ELP4: variants seen among roughly 807,000 people sequenced by gnomAD.
ELP4 encodes elongator complex protein 4.
Under a neutral mutation model 48.9 loss-of-function variants are expected in ELP4, and 51 were observed. The ratio of observed to expected loss-of-function variants is 1.04; its 90% CI spans 0.83 to 1.32. ELP4 has a LOEUF of 1.32. Ranked by LOEUF, ELP4 falls within the 40% of genes most tolerant of loss-of-function variation. ELP4 has a pLI of 0.00. For synonymous variants in ELP4, 210 were observed against 189.2 expected (o/e 1.11, Z -0.90); for missense variants, 519 against 514.6 (o/e 1.01, Z -0.08).
chr11:31,786,279 T>C lies in ELP4; in HGVS notation c.*2755T>C. 1 of 209,700 alleles carries C rather than the reference T, an allele frequency of 4.8e-6. No homozygotes were observed. Among genetic ancestry groups the C allele is most frequent in the East Asian group, 7.2e-5 (1 of 13,916 alleles). The allele number at this position is 209,700 out of a possible 1,614,324, so 13.0% of individuals were successfully genotyped here. On this transcript the variant is annotated 3_prime_UTR_variant, in exon 10 of 10. Transcript: ENST00000640961. Reference sequence around the variant, plus strand: ...GAGAGTGGGGGGACCCCCCTATTCATTTGTTTAAGCCCATTATTAATGTCA... The same window carrying C: ...GAGAGTGGGGGGACCCCCCTATTCACTTGTTTAAGCCCATTATTAATGTCA...
At chr11:31,635,522 GAAAC>G (rs1458873776) in intron 7 of ELP4, among the ~76,000 whole-genome samples, 1 of 151,842 alleles carries the variant, frequency 6.6e-6, no homozygotes, top group Non-Finnish European at 1.5e-5. Context: ...TCAAAATTTA[GAAAC>G]AAACTGCACA....
At chr11:31,746,786 C>T (rs893031558) in intron 9 of ELP4, among the ~76,000 whole-genome samples, 2 of 151,844 alleles carry the variant, frequency 1.3e-5, no homozygotes, top group African/African-American at 4.8e-5. Flanking sequence ...ATACCTAATG[C>T]TAAATGACGA....
intron 5 of ELP4, among the ~76,000 whole-genome samples, chr11:31,623,313 C>T (rs1166936476): frequency 7.9e-6 from 1 of 126,010 alleles, no homozygotes; most frequent in African/African-American, 3.0e-5. Context: ...TAGTAACAAA[C>T]CAAAATTTTA....
intron 9 of ELP4, among the ~76,000 whole-genome samples, chr11:31,757,557 A>T (rs1206544398): frequency 6.6e-6 from 1 of 152,142 alleles, no homozygotes; most frequent in Non-Finnish European, 1.5e-5. Context: ...GTGTTTCTTT[A>T]AGGAAATGAC....
chr11:31,736,123 CAG>C (rs1027354640), intron 9 of ELP4, among the ~76,000 whole-genome samples: 6 of 152,196 alleles, frequency 3.9e-5, no homozygotes, highest in African/African-American at 1.4e-4. Context: ...GGTACCAAAA[CAG>C]AGCTGTAGAC....
Position 31,520,015 on chromosome 11 carries a change from A to G in ELP4, c.224-41A>G, listed in dbSNP as rs752479738. The G allele has an allele frequency of 3.7e-6, 6 of 1,605,078 alleles. No individual in the cohort carries two copies. The East Asian group carries it at 1.1e-4, about 30-fold the overall frequency. On this transcript the variant is annotated intron_variant, in intron 1 of 9. Coordinates refer to ENST00000640961, the MANE Select transcript of ELP4 (RefSeq NM_019040.5). ...TAACTTTTATGCTAAAGGTAATGGAAAAGGTAAATTAATTTTCTTCTGGTT... is the reference window on the plus strand; with the variant it reads ...TAACTTTTATGCTAAAGGTAATGGAGAAGGTAAATTAATTTTCTTCTGGTT...
At chr11:31,621,795 T>C (rs921744925) in intron 5 of ELP4, among the ~76,000 whole-genome samples, 1 of 151,922 alleles carries the variant, frequency 6.6e-6, no homozygotes, top group Admixed American at 6.6e-5. Flanking sequence ...AATGGAGCCA[T>C]GTTCAGACCT....
intron 3 of ELP4, chr11:31,541,535 T>C (rs1956591056): frequency 6.6e-6 from 1 of 152,192 alleles, no homozygotes; most frequent in Non-Finnish European, 1.5e-5. Context: ...GACTAAGATT[T>C]TATATCAAAC....
intron 3 of ELP4, among the ~76,000 whole-genome samples, chr11:31,564,717 T>C (rs1257438615): frequency 6.6e-6 from 1 of 152,232 alleles, no homozygotes; most frequent in Non-Finnish European, 1.5e-5. Flanking sequence ...CTCATCCTTT[T>C]TTATGGCTGC....
intron 2 of ELP4, among the ~76,000 whole-genome samples, chr11:31,523,106 C>T (rs1452177877): frequency 6.6e-6 from 1 of 151,646 alleles, no homozygotes; most frequent in Admixed American, 6.6e-5. Context: ...CTTCAGGCCT[C>T]AAGCAGTCCT....
chr11:31,610,341 GTT>G (rs1957955106), intron 5 of ELP4, among the ~76,000 whole-genome samples: 1 of 151,822 alleles, frequency 6.6e-6, no homozygotes, highest in Admixed American at 6.6e-5. Flanking sequence ...GTTTTGTTTT[GTT>G]TTGTTTTTTA....
intron 3 of ELP4, among the ~76,000 whole-genome samples, chr11:31,541,078 A>T (rs919295419): frequency 3.3e-5 from 5 of 152,216 alleles, no homozygotes; most frequent in Admixed American, 3.3e-4. Context: ...TAATTTTAGT[A>T]CATAGTTTGC....
intron 9 of ELP4, chr11:31,719,402 G>T (rs185850786): frequency 2.2e-4 from 88 of 397,002 alleles, no homozygotes; most frequent in African/African-American, 1.7e-3. Context: ...TGTCTTAATG[G>T]CTCAGATTTG....
rs1458127743 is a variant in ELP4 at position 31,743,749 on chromosome 11, T to G, written c.1144-39644T>G. On this transcript the variant is annotated intron_variant, in intron 9 of 9. Transcript: ENST00000640961. ...AATCTCTGGGACACATTCAAAGCAG[T>G]GTGTAGAGGGAAATTTATAGCACTA... is the stretch of plus-strand genomic sequence containing the variant. 2.0e-5 allele frequency among the ~76,000 whole-genome samples: 3 copies of G among 149,436 alleles called. No individual in the cohort carries two copies. The East Asian group carries it at 5.9e-4, about 30-fold the overall frequency.
intron 2 of ELP4, among the ~76,000 whole-genome samples, chr11:31,529,760 A>C (rs565132273): frequency 6.6e-6 from 1 of 152,200 alleles, no homozygotes; most frequent in Non-Finnish European, 1.5e-5. Flanking sequence ...TGACAGTAAT[A>C]GTATTTCCAA....
chr11:31,551,969 C>T (rs1956861225), intron 3 of ELP4, among the ~76,000 whole-genome samples: 1 of 152,070 alleles, frequency 6.6e-6, no homozygotes, highest in Non-Finnish European at 1.5e-5. Flanking sequence ...AAACTTCCTT[C>T]CTTTTACTTT....
At chr11:31,642,912 G>A (rs2134062614) in intron 7 of ELP4, among the ~76,000 whole-genome samples, 1 of 151,886 alleles carries the variant, frequency 6.6e-6, no homozygotes, top group East Asian at 1.9e-4. Flanking sequence ...CTGTAGAATG[G>A]AAAACCTAAT....
At chr11:31,668,692 G>A (rs879313259) in intron 9 of ELP4, among the ~76,000 whole-genome samples, 6 of 138,898 alleles carry the variant, frequency 4.3e-5, no homozygotes, top group South Asian at 2.5e-4. Flanking sequence ...GTGTGTGTGT[G>A]TGTGTGTGTG....
chr11:31,771,855 A>G (rs912790829), intron 9 of ELP4, among the ~76,000 whole-genome samples: 9 of 152,096 alleles, frequency 5.9e-5, no homozygotes, highest in East Asian at 1.9e-4. Context: ...GGCGGCAGGC[A>G]CCTGTAGTCC....
Sources: allele counts gnomAD v4.1 joint callset (sites outside exome capture counted in the v4.1 genomes callset), GRCh38; gene constraint gnomAD v4.1.1; transcripts MANE v1.5; gene names NCBI Gene and HGNC (gene_info 2026-07-23, HGNC 2026-07-21).